BACH2: variants seen among roughly 807,000 people sequenced by gnomAD.
BACH2 encodes the protein transcription regulator protein BACH2.
In BACH2, 5 loss-of-function variants were observed where a neutral mutation model predicts 61.8. The observed-to-expected ratio is 0.08, with a 90% CI of 0.04 to 0.17. BACH2 has a LOEUF of 0.17. Ranked by LOEUF, BACH2 falls within the 10% of genes least tolerant of loss-of-function variation. The pLI is 1.00. For missense variants in BACH2, 824 were observed against 1,091.1 expected (o/e 0.76, Z 3.45); for synonymous variants, 446 against 440.1 (o/e 1.01, Z -0.17).
chr6:90,254,803 T>G (rs1184445910), intron 2 of BACH2, among the ~76,000 whole-genome samples: 2 of 152,150 alleles, frequency 1.3e-5, no homozygotes. Flanking sequence ...TTCATTATCA[T>G]CCACTTACAA....
chr6:90,072,110 GTTGT>G (rs762352576), intron 5 of BACH2, among the ~76,000 whole-genome samples: 2 of 152,172 alleles, frequency 1.3e-5, no homozygotes, highest in Non-Finnish European at 2.9e-5. Context: ...TCAAACCTGT[GTTGT>G]TTAAGGGTTA....
chr6:90,014,944 A>ATTTTTTTT (rs386407909), intron 5 of BACH2, among the ~76,000 whole-genome samples: 3 of 133,636 alleles, frequency 2.2e-5, no homozygotes, highest in Admixed American at 7.5e-5. Flanking sequence ...ATGTTCAGCT[A>ATTTTTTTT]TTTTTTTTTT....
chr6:90,177,045 G>A (rs1301867000), intron 4 of BACH2, among the ~76,000 whole-genome samples: 2 of 151,944 alleles, frequency 1.3e-5, no homozygotes, highest in Admixed American at 1.3e-4. Context: ...TATTTCATGG[G>A]TCCAGGTATT....
At chr6:90,015,984 G>A (rs1006224558) in intron 5 of BACH2, among the ~76,000 whole-genome samples, 4 of 151,956 alleles carry the variant, frequency 2.6e-5, no homozygotes, top group African/African-American at 4.8e-5. Flanking sequence ...ATTTTTTCTT[G>A]TAGTATTTAT....
At chr6:90,266,309 G>A (rs1771327515) in intron 2 of BACH2, among the ~76,000 whole-genome samples, 1 of 152,100 alleles carries the variant, frequency 6.6e-6, no homozygotes, top group East Asian at 1.9e-4. Flanking sequence ...CTGGCCCCAC[G>A]ACTGACCCAG....
At chr6:90,160,736 G>A (rs1785160862) in intron 4 of BACH2, among the ~76,000 whole-genome samples, 1 of 152,136 alleles carries the variant, frequency 6.6e-6, no homozygotes, top group African/African-American at 2.4e-5. Flanking sequence ...TGAGACAAAA[G>A]AACCCCATGG....
At chr6:90,068,189 A>C (rs928835106) in intron 5 of BACH2, among the ~76,000 whole-genome samples, 1 of 152,214 alleles carries the variant, frequency 6.6e-6, no homozygotes, top group Non-Finnish European at 1.5e-5. Flanking sequence ...TTATGGAATT[A>C]AGTTCAGAGC....
At chr6:90,022,615 C>T (rs1471095393) in intron 5 of BACH2, among the ~76,000 whole-genome samples, 1 of 152,090 alleles carries the variant, frequency 6.6e-6, no homozygotes, top group Non-Finnish European at 1.5e-5. Context: ...CGAATTTAAC[C>T]AAAATGGAGA....
intron 1 of BACH2, among the ~76,000 whole-genome samples, chr6:90,278,295 C>T (rs1239499899): frequency 5.9e-5 from 9 of 152,250 alleles, no homozygotes; most frequent in East Asian, 3.9e-4. Context: ...CTGCCTCCTA[C>T]CTGGCCATGC....
At chr6:89,997,752 T>A (rs192061901) in intron 6 of BACH2, among the ~76,000 whole-genome samples, 148 of 152,318 alleles carry the variant, frequency 9.7e-4, no homozygotes, top group African/African-American at 3.5e-3. Flanking sequence ...TTTCTCTGGA[T>A]AGATCTTCAA....
chr6:90,153,079 C>A (rs73752888), intron 4 of BACH2, among the ~76,000 whole-genome samples: 1 of 152,028 alleles, frequency 6.6e-6, no homozygotes, highest in East Asian at 1.9e-4. Flanking sequence ...AAAAATAAGA[C>A]GAAATCTCAT....
intron 5 of BACH2, among the ~76,000 whole-genome samples, chr6:90,073,024 C>A (rs964810247): frequency 3.9e-5 from 6 of 152,158 alleles, no homozygotes; most frequent in Non-Finnish European, 8.8e-5. Flanking sequence ...TGAGAAGGAG[C>A]AAAAAGGAAA....
chr6:90,198,728 T>A (rs1018030655), intron 4 of BACH2, among the ~76,000 whole-genome samples: 4 of 152,172 alleles, frequency 2.6e-5, no homozygotes, highest in Non-Finnish European at 5.9e-5. Flanking sequence ...ATTCATCAGA[T>A]GCTCAAACTC....
chr6:89,951,597 G>A lies in BACH2; in HGVS notation c.509C>T (p.Thr170Met), dbSNP rs1584521973. Residue 170 changes from threonine to methionine, a missense_variant, in exon 7 of 9, where the codon ACG becomes ATG. By Grantham distance (81) the Thr-to-Met change is moderately conservative (BLOSUM62 -1). This residue lies in a region of BACH2 where 107 missense variants were observed against 121.7 expected (regional missense o/e 0.88). Coordinates refer to ENST00000257749, the MANE Select transcript of BACH2 (RefSeq NM_021813.4). This position sits in a 1 kb window ranked among gnomAD's most constrained non-coding sequence, Gnocchi z 6.4. The part of the protein sequence containing the change: ...AGEEEDEEEE[T>M]MDSETAKMAC... ...CATCTTGGCCGTCTCTGAATCCATC[G>A]TCTCCTCCTCTTCATCCTCCTCCTC... 6 of 1,614,072 alleles carry A rather than the reference G, an allele frequency of 3.7e-6. No individual in the cohort carries two copies. The Middle Eastern group carries it at 4.9e-4, about 133-fold the overall frequency.
intron 4 of BACH2, among the ~76,000 whole-genome samples, chr6:90,124,711 C>A (rs1376326692): frequency 6.6e-6 from 1 of 152,162 alleles, no homozygotes; most frequent in Non-Finnish European, 1.5e-5. Flanking sequence ...ATTTTTCCCA[C>A]CATTGTAAAC....
chr6:90,099,970 A>G (rs1027245335), intron 4 of BACH2, among the ~76,000 whole-genome samples: 4 of 151,732 alleles, frequency 2.6e-5, no homozygotes, highest in African/African-American at 9.7e-5. Flanking sequence ...CCACCAATCT[A>G]CTTTCTGTCT....
chr6:89,964,087 G>A (rs577844123), intron 6 of BACH2, among the ~76,000 whole-genome samples: 8 of 152,172 alleles, frequency 5.3e-5, no homozygotes, highest in South Asian at 2.1e-4. Flanking sequence ...GGATAGCATC[G>A]GGAGATATAC....
chr6:90,174,914 TAA>T (rs1286045664), intron 4 of BACH2, among the ~76,000 whole-genome samples: 8 of 129,276 alleles, frequency 6.2e-5, no homozygotes, highest in Admixed American at 3.1e-4. Flanking sequence ...GTAGTAAAAC[TAA>T]AAAAAAAAAA....
intron 3 of BACH2, among the ~76,000 whole-genome samples, chr6:90,249,718 C>T (rs905513097): frequency 3.9e-5 from 6 of 152,048 alleles, no homozygotes; most frequent in Admixed American, 2.0e-4. Flanking sequence ...GAGGCTGCCA[C>T]GAACCATGAT....
Sources: allele counts gnomAD v4.1 joint callset (sites outside exome capture counted in the v4.1 genomes callset), GRCh38; gene constraint gnomAD v4.1.1; regional missense constraint gnomAD v4.1.1; non-coding constraint Gnocchi (gnomAD v3.1); transcripts MANE v1.5; gene names NCBI Gene and HGNC (gene_info 2026-07-23, HGNC 2026-07-21).